The following TP53I13 variants were observed in gnomAD, a reference collection of about 807,000 sequenced individuals.
TP53I13 encodes tumor protein p53 inducible protein 13, also known as tumor protein p53-inducible protein 13.
A neutral mutation model predicts 39.1 loss-of-function variants in TP53I13; 27 were observed. That is an observed-to-expected ratio of 0.69 (90% CI 0.51 to 0.95). The LOEUF (loss-of-function observed/expected upper bound fraction) is 0.95, where lower values mean the gene tolerates loss of function less well. Among genes scored for constraint, TP53I13 ranks in the 40% least tolerant of loss-of-function variants. The probability of loss-of-function intolerance (pLI) is 0.00; values close to 1 mark genes in which losing one functional copy is unlikely to be tolerated. For missense variants in TP53I13, 544 were observed against 520.4 expected (o/e 1.05, Z -0.44); for synonymous variants, 230 against 224.6 (o/e 1.02, Z -0.22).
At chr17:29,569,195 C>G in intron 2 of TP53I13, 109 bp downstream of exon 2, 4 of 1,470,662 alleles carry the variant, frequency 2.7e-6, no homozygotes, top group Non-Finnish European at 3.7e-6. Context: ...TCTGCCGGTT[C>G]CTCAGTCCTC....
the TP53I13 span, chr17:29,581,485 G>T: frequency 1.1e-6 from 1 of 938,160 alleles, no homozygotes. The surrounding 1 kb of genome is among the most constrained non-coding windows in gnomAD (Gnocchi z 4.8). Flanking sequence ...AGAAGTGTCA[G>T]GGGAAAGTGG....
chr17:29,577,874 CT>C, downstream of TP53I13: 1 of 654,958 alleles, frequency 1.5e-6, no homozygotes. Context: ...CAGGGGTGGT[CT>C]TTGGGCACGC....
chr17:29,577,592 G>A (rs2033257484), downstream of TP53I13: 1 of 1,159,550 alleles, frequency 8.6e-7, no homozygotes, highest in Non-Finnish European at 1.3e-6. Context: ...CGGATGAGGA[G>A]GGACCGCGGG....
chr17:29,581,075 G>A, the TP53I13 span: 3 of 526,392 alleles, frequency 5.7e-6, no homozygotes, highest in Admixed American at 3.1e-5. The surrounding 1 kb of genome is among the most constrained non-coding windows in gnomAD (Gnocchi z 4.8). Context: ...CACCGCGCCC[G>A]GCCCACAGGT....
At chr17:29,574,666 G>T, downstream of TP53I13, 5 of 1,508,320 alleles carry the variant, frequency 3.3e-6, no homozygotes, top group Non-Finnish European at 3.7e-6. Context: ...TGGCCAGTGA[G>T]GTCCTAGGGT....
chr17:29,575,578 C>G, downstream of TP53I13: 1 of 1,582,914 alleles, frequency 6.3e-7, no homozygotes, highest in Non-Finnish European at 8.6e-7. This position sits in a 1 kb window ranked among gnomAD's most constrained non-coding sequence, Gnocchi z 5.5. Flanking sequence ...CCCTCTCAAC[C>G]TCCCCGCCTC....
At chr17:29,567,650 C>G (rs2032756434), upstream of TP53I13, among the ~76,000 whole-genome samples, 1 of 152,238 alleles carries the variant, frequency 6.6e-6, no homozygotes. The surrounding 1 kb of genome is among the most constrained non-coding windows in gnomAD (Gnocchi z 6.6). Context: ...TCCTCGCCCC[C>G]GTCCCCGCGA....
At chr17:29,582,156 A>G in the TP53I13 span, 6 of 1,542,700 alleles carry the variant, frequency 3.9e-6, no homozygotes, top group Non-Finnish European at 5.2e-6. Flanking sequence ...TAAGAGGAGC[A>G]GAGTGTGCAG....
chr17:29,580,906 G>A, the TP53I13 span: 9 of 198,334 alleles, frequency 4.5e-5, no homozygotes, highest in South Asian at 1.8e-4. Flanking sequence ...TCAGCCTCCC[G>A]AGTAGCTGAG....
chr17:29,574,656 T>C, downstream of TP53I13: 4 of 1,437,572 alleles, frequency 2.8e-6, no homozygotes, highest in Non-Finnish European at 3.9e-6. Context: ...CCAGCTCCTA[T>C]GGCCAGTGAG....
chr17:29,582,255 G>T, the TP53I13 span: 1 of 744,900 alleles, frequency 1.3e-6, no homozygotes, highest in South Asian at 1.7e-5. Flanking sequence ...AAGGAGGCCT[G>T]CCCAAACCAG....
chr17:29,578,362 G>T, the TP53I13 span: 1 of 1,614,116 alleles, frequency 6.2e-7, no homozygotes, highest in Non-Finnish European at 8.5e-7. Context: ...TCAAAAAGCC[G>T]GTTGCTGAGC....
chr17:29,576,264 G>T, downstream of TP53I13: 3 of 1,610,372 alleles, frequency 1.9e-6, no homozygotes, highest in Non-Finnish European at 2.5e-6. Context: ...TCGTCCCCAG[G>T]GGGGCCCCCA....
At chr17:29,566,661 G>A (rs1214909807), upstream of TP53I13, 15 of 1,601,424 alleles carry the variant, frequency 9.4e-6, no homozygotes, top group East Asian at 2.2e-5. Flanking sequence ...GGTGGGGCCC[G>A]GAGAACCAGG....
At chr17:29,576,898 G>C (rs753551521), downstream of TP53I13, 6 of 1,577,040 alleles carry the variant, frequency 3.8e-6, no homozygotes, top group Non-Finnish European at 5.2e-6. Flanking sequence ...CCGGTGCTGC[G>C]CAGGGGCTCC....
chr17:29,569,471 C>T, intron 3 of TP53I13, 112 bp downstream of exon 3: 1 of 1,010,896 alleles, frequency 9.9e-7, no homozygotes, highest in Non-Finnish European at 1.5e-6. Context: ...CCACTTCCCT[C>T]AGGCAGAGGC....
rs752250775 is a variant in TP53I13 at position 29,572,023 on chromosome 17, G to A, written c.479G>A (p.Gly160Asp). 1.2e-6 allele frequency: 2 copies of A among 1,613,206 alleles called. No individual in the cohort carries two copies. The highest frequency in any genetic ancestry group is 2.2e-5 in the East Asian group (1 of 44,882). Residue 160 changes from glycine to aspartate, a missense_variant, in exon 5 of 7, where the codon GGT becomes GAT. By Grantham distance (94) the Gly-to-Asp change is moderately conservative. Transcript: ENST00000301057. ...SGPAPSEPTP[G>D]RGRLCRRGCV... ...CCTGCTCCCTCCGAGCCAACTCCCG[G>A]TAGAGGGAGGCTGTGCCGAAGAGGG...
At chr17:29,581,981 C>T in the TP53I13 span, 2 of 1,612,956 alleles carry the variant, frequency 1.2e-6, no homozygotes, top group Admixed American at 1.7e-5. This position sits in a 1 kb window ranked among gnomAD's most constrained non-coding sequence, Gnocchi z 4.8. Context: ...AGGGTCAGCC[C>T]CATACACTAC....
chr17:29,568,958 G>T lies in TP53I13; in HGVS notation c.73-60G>T. On this transcript the variant is annotated intron_variant, in intron 1 of 6. Transcript: ENST00000301057. The surrounding 1 kb of genome is among the most constrained non-coding windows in gnomAD (Gnocchi z 4.5). The stretch of plus-strand genomic sequence containing the variant: ...CTTCCGCTGGCGGGCTGGGCCTGGG[G>T]AGAGAGAGGGCAGGGCCTCGCCGCG... The T allele has an allele frequency of 6.3e-7, 1 of 1,591,894 alleles. No homozygotes were observed.
Sources: allele counts gnomAD v4.1 joint callset (sites outside exome capture counted in the v4.1 genomes callset), GRCh38; gene constraint gnomAD v4.1.1; non-coding constraint Gnocchi (gnomAD v3.1); transcripts MANE v1.5; gene names NCBI Gene and HGNC (gene_info 2026-07-23, HGNC 2026-07-21).